SCYL2: variants seen among roughly 807,000 people sequenced by gnomAD.
SCYL2 encodes the protein SCY1-like protein 2.
A neutral mutation model predicts 100.4 loss-of-function variants in SCYL2; 36 were observed. The observed-to-expected ratio is 0.36, with a 90% CI of 0.27 to 0.47. SCYL2 has a LOEUF of 0.47. Among genes scored for constraint, SCYL2 ranks in the 20% least tolerant of loss-of-function variants. The pLI is 1.00. For synonymous variants in SCYL2, 330 were observed against 359.2 expected, an observed-to-expected ratio of 0.92 and a Z score of 0.92; for missense variants, 902 against 1,083.9, an observed-to-expected ratio of 0.83 and a Z score of 2.36.
rs2096300662 is a variant in SCYL2 at position 100,283,127 on chromosome 12, A to G, written c.157A>G (p.Thr53Ala). ...NGLAWKIFNG[T>A]KKSTKQEVAV... ...GCTAGCTTGGAAGATTTTTAATGGC[A>G]CAAAAAAGTCAACAAAGCAGGTGAG... Residue 53 changes from threonine to alanine, a missense_variant, in exon 2 of 18, where the codon ACA becomes GCA. By Grantham distance (58) the Thr-to-Ala change is moderately conservative. Transcript: ENST00000360820. The G allele has an allele frequency of 6.2e-7, 1 of 1,606,242 alleles. No homozygotes were observed. The highest frequency in any genetic ancestry group is 1.1e-5 in the South Asian group (1 of 89,252).
Position 100,341,063 on chromosome 12 carries a change from C to T in SCYL2, c.*1891C>T, listed in dbSNP as rs143927563. The T allele has an allele frequency of 2.6e-5, 4 of 152,040 alleles. No individual in the cohort carries two copies. Among genetic ancestry groups the T allele is most frequent in the Non-Finnish European group, 1.5e-5 (1 of 67,900 alleles). 9.4% of individuals were successfully genotyped at this position (152,040 alleles called of 1,614,324 possible). The stretch of plus-strand genomic sequence containing the variant: ...AAGCTTAATATAACAGCTTATAGAA[C>T]TTGAACTACTAAATATGAAAATAAG... On this transcript the variant is annotated 3_prime_UTR_variant, in exon 18 of 18. Transcript: ENST00000360820.
chr12:100,300,746 A>G (rs1008713290), intron 4 of SCYL2, among the ~76,000 whole-genome samples: 15 of 152,184 alleles, frequency 9.9e-5, no homozygotes, highest in African/African-American at 3.4e-4. Flanking sequence ...GAGAACATTC[A>G]AAGTTTGTCT....
chr12:100,337,033 C>G (rs1952286448), intron 16 of SCYL2, among the ~76,000 whole-genome samples: 1 of 151,912 alleles, frequency 6.6e-6, no homozygotes, highest in Non-Finnish European at 1.5e-5. Flanking sequence ...TTTGTGAGTT[C>G]CTAAAATATT....
chr12:100,277,917 G>A (rs1045949963), intron 1 of SCYL2, among the ~76,000 whole-genome samples: 7 of 151,812 alleles, frequency 4.6e-5, no homozygotes, highest in African/African-American at 1.5e-4. Flanking sequence ...AGGGTCTACA[G>A]TATATATCTT....
intron 11 of SCYL2, among the ~76,000 whole-genome samples, chr12:100,325,073 A>C (rs1451786725): frequency 6.6e-6 from 1 of 152,112 alleles, no homozygotes; most frequent in Admixed American, 6.5e-5. Flanking sequence ...ACTAAAAATA[A>C]AAAAATTTAG....
chr12:100,288,983 A>T (rs998212938), intron 2 of SCYL2, among the ~76,000 whole-genome samples: 3 of 152,094 alleles, frequency 2.0e-5, no homozygotes, highest in African/African-American at 7.2e-5. Flanking sequence ...CAAAGATTAC[A>T]GGCGTGAGCT....
At chr12:100,281,780 G>C (rs904321270) in intron 1 of SCYL2, among the ~76,000 whole-genome samples, 9 of 149,266 alleles carry the variant, frequency 6.0e-5, no homozygotes, top group Non-Finnish European at 1.3e-4. Flanking sequence ...CTTGCAGTGA[G>C]CCAAGTTCAT....
intron 12 of SCYL2, among the ~76,000 whole-genome samples, chr12:100,328,742 T>A: frequency 6.6e-6 from 1 of 152,228 alleles, no homozygotes; most frequent in East Asian, 1.9e-4. Context: ...GTTATTAAAT[T>A]TCAAACATGT....
rs1336417483 is a variant in SCYL2, at chr12:100,282,342, T to C, written c.-28-601T>C. Among the ~76,000 whole-genome samples the C allele has an allele frequency of 2.3e-5, 3 of 130,792 alleles. 1 individual carries two copies. Among genetic ancestry groups the C allele is most frequent in the African/African-American group, 8.5e-5 (3 of 35,440 alleles). The allele number at this position is 130,792 out of a possible 152,430, so 85.8% of individuals were successfully genotyped here. A position where few individuals can be genotyped will look rare whatever the true frequency, so the allele number is the denominator to read the frequency against. On this transcript the variant is annotated intron_variant, in intron 1 of 17. Transcript: ENST00000360820. ...GTCTTTTTTTTTTTTTTTTTTTTTT[T>C]TGAGATGCAGTCTCACTCTGTCACC...
At chr12:100,303,815 A>G (rs1048402003) in intron 4 of SCYL2, among the ~76,000 whole-genome samples, 8 of 152,288 alleles carry the variant, frequency 5.3e-5, no homozygotes, top group Non-Finnish European at 1.2e-4. Flanking sequence ...CTCTCTTTAC[A>G]GCCAGTAGGG....
At chr12:100,308,709 T>C (rs1383225438) in intron 4 of SCYL2, among the ~76,000 whole-genome samples, 1 of 152,162 alleles carries the variant, frequency 6.6e-6, no homozygotes, top group Non-Finnish European at 1.5e-5. Context: ...TTCAAGTTTA[T>C]CTAGGTCCCC....
intron 12 of SCYL2, among the ~76,000 whole-genome samples, chr12:100,328,411 T>G (rs1952163760): frequency 6.6e-6 from 1 of 152,260 alleles, no homozygotes; most frequent in African/African-American, 2.4e-5. Context: ...AACGTCATTT[T>G]AGGATTCTTG....
chr12:100,301,498 ACTT>A lies in SCYL2; in HGVS notation c.480+3324_480+3326del, dbSNP rs1301346051. On this transcript the variant is annotated intron_variant, in intron 4 of 17. Transcript: ENST00000360820. ...TCATTTGATGTGCGCAAGGCTTTTA[ACTT>A]GATGTGATCCCATTTGTCCGTTTTT... Among the ~76,000 whole-genome samples, 12 of 152,080 alleles carry A rather than the reference ACTT, an allele frequency of 7.9e-5. No homozygotes were observed. In the East Asian group the frequency reaches 2.3e-3, roughly 29 times the overall value.
At chr12:100,295,698 G>A (rs2096319198) in intron 3 of SCYL2, among the ~76,000 whole-genome samples, 1 of 151,238 alleles carries the variant, frequency 6.6e-6, no homozygotes, top group Non-Finnish European at 1.5e-5. Context: ...GGAAACAGAG[G>A]GAGAGGGAGA....
intron 1 of SCYL2, among the ~76,000 whole-genome samples, chr12:100,278,862 T>G (rs138029044): frequency 2.3e-3 from 349 of 152,180 alleles, no homozygotes; most frequent in African/African-American, 7.9e-3. Flanking sequence ...TCTTTTGACC[T>G]TGTGATCTGC....
chr12:100,327,765 C>T (rs1054225009), intron 12 of SCYL2, among the ~76,000 whole-genome samples: 3 of 152,060 alleles, frequency 2.0e-5, no homozygotes, highest in African/African-American at 4.8e-5. Flanking sequence ...CCACCTGCCT[C>T]GGCCTCCCAA....
At chr12:100,327,595 A>T (rs1455715109) in intron 12 of SCYL2, among the ~76,000 whole-genome samples, 1 of 151,618 alleles carries the variant, frequency 6.6e-6, no homozygotes, top group East Asian at 1.9e-4. Flanking sequence ...GCTCACTGCA[A>T]CCTCCGCCTC....
Position 100,335,900 on chromosome 12 carries a change from TAA to T in SCYL2, c.2022_2023del (p.Arg675SerfsTer6). 6.2e-7 allele frequency: 1 copy of T among 1,610,370 alleles called. No homozygotes were observed. Among genetic ancestry groups the T allele is most frequent in the Non-Finnish European group, 8.5e-7 (1 of 1,176,866 alleles). On this transcript the variant is annotated frameshift_variant, in exon 16 of 18. Transcript: ENST00000360820. LOFTEE classifies it high-confidence loss of function. ...NKEDGLQNKH[K>X]RASLTLEEKQ... Reference sequence around the variant, plus strand: ...AAGAGGACGGGTTACAGAATAAACATAAAAGAGTGAGTTTCCTTACTGTTCTT... The same window carrying T: ...AAGAGGACGGGTTACAGAATAAACATAAGAGTGAGTTTCCTTACTGTTCTT...
intron 2 of SCYL2, 41 bp from the exon 3 acceptor site, chr12:100,291,462 T>C (rs768123688): frequency 4.6e-6 from 6 of 1,301,666 alleles, no homozygotes; most frequent in Non-Finnish European, 6.3e-6. Context: ...TTATTACTTT[T>C]CTATATTTCT....
Sources: gnomAD v4.1 joint callset for allele counts (sites outside exome capture counted in the v4.1 genomes callset) on GRCh38, gnomAD v4.1.1 for gene constraint, MANE v1.5 for transcripts, NCBI Gene and HGNC (gene_info 2026-07-23, HGNC 2026-07-21) for gene names.